Variants in LIMCH1 observed in about 807,000 individuals in gnomAD.
LIMCH1 encodes LIM and calponin homology domains 1.
Under a neutral mutation model 176.5 loss-of-function variants are expected in LIMCH1, and 113 were observed. That is an observed-to-expected ratio of 0.64 (90% CI 0.55 to 0.75). The LOEUF is 0.75. LIMCH1 is among the 30% of genes least tolerant of loss of function. The pLI, the probability that LIMCH1 is intolerant of heterozygous loss-of-function variation, is 0.00. For missense variants in LIMCH1, 1,674 were observed against 1,814.9 expected (o/e 0.92, Z 1.41); for synonymous variants, 619 against 645.9 (o/e 0.96, Z 0.63).
At chr4:41,692,477 C>T (rs996511074) in intron 31 of LIMCH1, 93 bp downstream of exon 31, 20 of 750,458 alleles carry the variant, frequency 2.7e-5, no homozygotes, top group East Asian at 2.6e-4. Context: ...TTTCCCCAGC[C>T]GTTGACACTC....
chr4:41,498,130 G>T (rs1396130892), intron 2 of LIMCH1, among the ~76,000 whole-genome samples: 13 of 152,146 alleles, frequency 8.5e-5, no homozygotes, highest in Non-Finnish European at 1.5e-4. Context: ...GAGCTGAAAG[G>T]GTCGGAGGCT....
At chr4:41,693,949 A>G (rs1218220828) in intron 31 of LIMCH1, among the ~76,000 whole-genome samples, 7 of 152,268 alleles carry the variant, frequency 4.6e-5, no homozygotes, top group African/African-American at 1.7e-4. Flanking sequence ...CTTTTCATCT[A>G]GATTTTTTTA....
intron 22 of LIMCH1, among the ~76,000 whole-genome samples, chr4:41,673,075 C>T (rs960156590): frequency 1.3e-5 from 2 of 152,152 alleles, no homozygotes; most frequent in African/African-American, 4.8e-5. Context: ...GGTAAATTGT[C>T]TCACTTAGGG....
upstream of LIMCH1, among the ~76,000 whole-genome samples, chr4:41,360,430 G>C (rs1429757972): frequency 6.6e-6 from 1 of 152,120 alleles, no homozygotes; most frequent in South Asian, 2.1e-4. The surrounding 1 kb of genome is among the most constrained non-coding windows in gnomAD (Gnocchi z 4.5). Context: ...CTCAGCAGCC[G>C]GCGGGGCGCA....
intron 2 of LIMCH1, among the ~76,000 whole-genome samples, chr4:41,516,067 G>A (rs1350437590): frequency 2.0e-5 from 3 of 152,176 alleles, no homozygotes; most frequent in African/African-American, 7.2e-5. Flanking sequence ...ATTTTATGTA[G>A]TTATACTAAG....
At chr4:41,627,990 A>G (rs1168463349) in intron 8 of LIMCH1, among the ~76,000 whole-genome samples, 2 of 152,172 alleles carry the variant, frequency 1.3e-5, no homozygotes, top group African/African-American at 4.8e-5. Flanking sequence ...TTTCTTAGGA[A>G]GTACCAGATA....
At position 41,620,624 on chromosome 4, in the gene LIMCH1, T is replaced by G. The variant is rs1394949771; in HGVS notation, c.659T>G (p.Ile220Ser). ...TCTGAAGAAAAAGATGCTGCTGAGA[T>G]CCAAAAGCGCAAAAGGCTAGAGCAA... ...PKSEEKDAAE[I>S]QKRKRLEQAG... is the part of the protein sequence containing the mutation. The change falls in exon 7 of 32, where the codon ATC (isoleucine) becomes AGC (serine). Residue 220 changes from isoleucine to serine, a missense_variant. Around this residue, in one of 3 missense-constraint regions of LIMCH1, gnomAD observed 655 missense variants for 692.2 expected, o/e 0.95. Transcript: ENST00000503057. 6.5e-7 allele frequency: 1 copy of G among 1,535,990 alleles called. No homozygotes were observed. The highest frequency in any genetic ancestry group is 8.7e-7 in the Non-Finnish European group (1 of 1,146,924).
At chr4:41,612,851 CTTTTTTTTT>C (rs61338165) in intron 4 of LIMCH1, 3 of 1,072,414 alleles carry the variant, frequency 2.8e-6, no homozygotes, top group Non-Finnish European at 3.7e-6. Flanking sequence ...CATTGCCTTT[CTTTTTTTTT>C]TTTTTTTTTT....
chr4:41,671,009 A>G (rs577783191), intron 21 of LIMCH1: 3 of 977,614 alleles, frequency 3.1e-6, no homozygotes, highest in Non-Finnish European at 3.6e-6. Flanking sequence ...GATTTCAAGA[A>G]TTCAAAGAAA....
At chr4:41,633,998 G>A (rs1315440782) in intron 13 of LIMCH1, among the ~76,000 whole-genome samples, 190 bp downstream of exon 13, 2 of 152,188 alleles carry the variant, frequency 1.3e-5, no homozygotes, top group African/African-American at 4.8e-5. Context: ...ATTCAGTGGT[G>A]AATTTACCTG....
intron 2 of LIMCH1, among the ~76,000 whole-genome samples, chr4:41,498,313 G>A (rs1412241791): frequency 6.6e-6 from 1 of 152,060 alleles, no homozygotes; most frequent in Non-Finnish European, 1.5e-5. Flanking sequence ...AATCACCCTG[G>A]GACATCTCTT....
chr4:41,407,273 G>T (rs1261017168), intron 1 of LIMCH1, among the ~76,000 whole-genome samples: 1 of 152,164 alleles, frequency 6.6e-6, no homozygotes, highest in Non-Finnish European at 1.5e-5. Context: ...TTGTCACCCA[G>T]GCTGGAGTGC....
chr4:41,662,999 G>A lies in LIMCH1; in HGVS notation c.3291+15G>A. On this transcript the variant is annotated intron_variant, in intron 20 of 31. Transcript: ENST00000503057. ...TGTCACAAAAGGTGAAGTGCAGAGT[G>A]GAGGAAAGCGGTTAAACCCACAAGT... is the stretch of plus-strand genomic sequence containing the variant. The A allele has an allele frequency of 6.2e-7, 1 of 1,609,628 alleles. No homozygotes were observed. The highest frequency in any genetic ancestry group is 8.5e-7 in the Non-Finnish European group (1 of 1,176,914).
rs568975143 is a variant in LIMCH1 at position 41,648,246 on chromosome 4, C to T, written c.2820+1353C>T. Among the ~76,000 whole-genome samples the T allele has an allele frequency of 1.4e-4, 21 of 152,314 alleles. No homozygotes were observed. The Middle Eastern group carries it at 0.02, about 148-fold the overall frequency. On this transcript the variant is annotated intron_variant, in intron 17 of 31. Transcript: ENST00000503057. Reference sequence around the variant, plus strand: ...TGGATTTCCAAGGCATCTGACCAAACATTCTAGATGTCCACTTTCCCTCCT... The same window carrying T: ...TGGATTTCCAAGGCATCTGACCAAATATTCTAGATGTCCACTTTCCCTCCT...
intron 5 of LIMCH1, among the ~76,000 whole-genome samples, chr4:41,615,859 T>C (rs971546908): frequency 1.5e-4 from 23 of 152,156 alleles, no homozygotes; most frequent in Non-Finnish European, 3.2e-4. Context: ...TATTATCCAC[T>C]CCCACTAATC....
At chr4:41,660,795 C>T (rs1456087190) in intron 18 of LIMCH1, among the ~76,000 whole-genome samples, 1 of 152,106 alleles carries the variant, frequency 6.6e-6, no homozygotes, top group Non-Finnish European at 1.5e-5. Context: ...GAGGGTAATT[C>T]AGCACAAGTG....
chr4:41,421,947 G>T (rs1175145290), intron 1 of LIMCH1, among the ~76,000 whole-genome samples: 1 of 152,040 alleles, frequency 6.6e-6, no homozygotes, highest in Non-Finnish European at 1.5e-5. Flanking sequence ...GCCAGGTGTG[G>T]TGGCATGCAC....
At chr4:41,474,546 A>C (rs563846722) in intron 1 of LIMCH1, among the ~76,000 whole-genome samples, 3 of 152,320 alleles carry the variant, frequency 2.0e-5, no homozygotes, top group South Asian at 4.1e-4. Context: ...AAGAAGACAC[A>C]CAAATGGCCA....
In LIMCH1 at chr4:41,472,088, G is replaced by T. The variant is rs534219019; in HGVS notation, c.97-22448G>T. On this transcript the variant is annotated intron_variant, in intron 1 of 26. Transcript: ENST00000313860. ...CACATCTGTAGGTAGTGTTGTGTGG[G>T]TAGTATTGCCCTGTAAGTCCACGTT... Among the ~76,000 whole-genome samples the T allele has an allele frequency of 2.6e-5, 4 of 152,358 alleles. No individual in the cohort carries two copies. In the South Asian group the frequency reaches 8.3e-4, roughly 32 times the overall value.
Sources: gnomAD v4.1 joint callset for allele counts (sites outside exome capture counted in the v4.1 genomes callset) on GRCh38, gnomAD v4.1.1 for gene constraint, gnomAD v4.1.1 regional missense constraint, Gnocchi (gnomAD v3.1) non-coding constraint, MANE v1.5 for transcripts, NCBI Gene and HGNC (gene_info 2026-07-23, HGNC 2026-07-21) for gene names.